AP2A2: variants seen among roughly 807,000 people sequenced by gnomAD.
AP2A2 encodes adaptor related protein complex 2 subunit alpha 2, also known as AP-2 complex subunit alpha-2.
Under a neutral mutation model 104.2 loss-of-function variants are expected in AP2A2, and 32 were observed. The observed-to-expected ratio is 0.31, with a 90% confidence interval of 0.23 to 0.41. AP2A2 has a LOEUF of 0.41. Ranked by LOEUF, AP2A2 falls within the 10% of genes least tolerant of loss-of-function variation. The pLI, the probability that AP2A2 is intolerant of heterozygous loss-of-function variation, is 1.00. For missense variants in AP2A2, 912 were observed against 1,261.0 expected, an observed-to-expected ratio of 0.72 and a Z score of 4.19; for synonymous variants, 539 against 533.3, an observed-to-expected ratio of 1.01 and a Z score of -0.15.
At chr11:994,401 C>G (rs1179434352) in intron 14 of AP2A2, among the ~76,000 whole-genome samples, 156 bp downstream of exon 14, 1 of 152,078 alleles carries the variant, frequency 6.6e-6, no homozygotes, top group Non-Finnish European at 1.5e-5. Flanking sequence ...CTGGGGGCCA[C>G]TGTCCCTGCT....
chr11:990,609 GCT>G (rs1256587216), intron 10 of AP2A2, among the ~76,000 whole-genome samples: 1 of 152,162 alleles, frequency 6.6e-6, no homozygotes, highest in Non-Finnish European at 1.5e-5. Flanking sequence ...TAAGACAGGT[GCT>G]GTGTCTTGGC....
At chr11:937,576 G>A (rs906496381) in intron 1 of AP2A2, among the ~76,000 whole-genome samples, 2 of 152,222 alleles carry the variant, frequency 1.3e-5, no homozygotes, top group African/African-American at 4.8e-5. Context: ...CCATTGCGCA[G>A]CCTGGGCGAC....
chr11:942,434 G>C (rs1227069813), intron 1 of AP2A2: 3 of 152,246 alleles, frequency 2.0e-5, no homozygotes, highest in Non-Finnish European at 2.9e-5. Flanking sequence ...TTAGTCTGTA[G>C]TGCTCTGAAA....
intron 9 of AP2A2, among the ~76,000 whole-genome samples, chr11:987,416 G>A (rs1257429893): frequency 2.6e-5 from 4 of 152,134 alleles, no homozygotes; most frequent in Admixed American, 2.0e-4. Context: ...TTGGGAGGCC[G>A]AGGCGGGTGG....
chr11:950,311 GT>G lies in AP2A2; in HGVS notation c.68-9108del, dbSNP rs367721619. Among the ~76,000 whole-genome samples the G allele has an allele frequency of 6.8e-3, 908 of 133,862 alleles. 1 individual carries two copies. The highest frequency in any genetic ancestry group is 9.3e-3 in the Non-Finnish European group (574 of 61,974). 87.8% of individuals were successfully genotyped at this position (133,862 alleles called of 152,430 possible). On this transcript the variant is annotated intron_variant, in intron 1 of 21. Coordinates refer to ENST00000448903, the MANE Select transcript of AP2A2 (RefSeq NM_012305.4). ...TAAGTTTCTGTGACTTTGGAATATG[GT>G]TTTTTTTTTTTTTTTTTGACAGAGT... is the stretch of plus-strand genomic sequence containing the variant.
At chr11:1,002,957 C>T (rs1373833845) in intron 15 of AP2A2, among the ~76,000 whole-genome samples, 1 of 152,250 alleles carries the variant, frequency 6.6e-6, no homozygotes, top group Non-Finnish European at 1.5e-5. Flanking sequence ...ACATCCATCT[C>T]TGTGCTGGGT....
chr11:951,337 A>C (rs1379324531), intron 1 of AP2A2, among the ~76,000 whole-genome samples: 1 of 151,910 alleles, frequency 6.6e-6, no homozygotes, highest in Non-Finnish European at 1.5e-5. Flanking sequence ...GACCAGCCTG[A>C]CCAATATGGT....
At chr11:1,002,803 G>A (rs566113269) in intron 15 of AP2A2, among the ~76,000 whole-genome samples, 9 of 152,360 alleles carry the variant, frequency 5.9e-5, no homozygotes, top group South Asian at 2.1e-4. Context: ...CTTGATCGCC[G>A]CCATGTCAGC....
At chr11:997,810 C>G (rs1855901919) in intron 14 of AP2A2, among the ~76,000 whole-genome samples, 1 of 152,192 alleles carries the variant, frequency 6.6e-6, no homozygotes, top group Non-Finnish European at 1.5e-5. Flanking sequence ...GAAGCTGAGG[C>G]AGGAGAATTG....
chr11:999,254 G>C (rs550642819), intron 14 of AP2A2, among the ~76,000 whole-genome samples: 70 of 152,298 alleles, frequency 4.6e-4, no homozygotes, highest in African/African-American at 1.6e-3. Context: ...TACTGGGGCC[G>C]GGTGCGGTGG....
intron 6 of AP2A2, among the ~76,000 whole-genome samples, chr11:982,900 C>G (rs1363155265): frequency 6.6e-6 from 1 of 152,000 alleles, no homozygotes; most frequent in Non-Finnish European, 1.5e-5. Context: ...ATCTGCCCAC[C>G]TTGGCCTCCC....
chr11:929,774 C>T (rs1446936400), intron 1 of AP2A2, among the ~76,000 whole-genome samples: 2 of 150,598 alleles, frequency 1.3e-5, no homozygotes, highest in African/African-American at 2.5e-5. Context: ...CCAGCCTGGG[C>T]AGCCTGAGGA....
intron 10 of AP2A2, among the ~76,000 whole-genome samples, chr11:989,850 A>G (rs1261055458): frequency 6.6e-6 from 1 of 152,230 alleles, no homozygotes; most frequent in Non-Finnish European, 1.5e-5. Context: ...GTGACCAGCC[A>G]GGACCACAGC....
intron 6 of AP2A2, among the ~76,000 whole-genome samples, chr11:984,357 C>T (rs1378349506): frequency 6.6e-6 from 1 of 152,114 alleles, no homozygotes; most frequent in Non-Finnish European, 1.5e-5. Context: ...ATTTCATTCA[C>T]GTGCCGGTCC....
chr11:1,009,526 G>A (rs1856335229), intron 20 of AP2A2, 129 bp downstream of exon 20: 19 of 1,309,692 alleles, frequency 1.5e-5, no homozygotes, highest in Non-Finnish European at 2.0e-5. Flanking sequence ...CGGCCCCGGG[G>A]GACACGCAGC....
chr11:995,743 C>T (rs982996328), intron 14 of AP2A2, among the ~76,000 whole-genome samples: 1 of 114,564 alleles, frequency 8.7e-6, no homozygotes, highest in Non-Finnish European at 1.8e-5. Flanking sequence ...TCCCCCTCTT[C>T]CTCCCTCTCC....
intron 1 of AP2A2, among the ~76,000 whole-genome samples, chr11:929,007 C>T (rs1036017208): frequency 2.0e-5 from 3 of 152,096 alleles, no homozygotes; most frequent in Non-Finnish European, 4.4e-5. Context: ...GTCTGGCATG[C>T]GAGGTGCATG....
At chr11:983,794 G>A (rs1253552127) in intron 6 of AP2A2, among the ~76,000 whole-genome samples, 5 of 152,202 alleles carry the variant, frequency 3.3e-5, no homozygotes, top group Non-Finnish European at 2.9e-5. Flanking sequence ...CCTTAGGTGC[G>A]TACTTGTTTG....
At chr11:943,047 G>A (rs200769500) in intron 1 of AP2A2, 6 of 152,204 alleles carry the variant, frequency 3.9e-5, no homozygotes, top group African/African-American at 1.2e-4. Context: ...TTTTATCCTG[G>A]GTGCCTTGTA....
Sources: gnomAD v4.1 joint callset for allele counts (sites outside exome capture counted in the v4.1 genomes callset) on GRCh38, gnomAD v4.1.1 for gene constraint, MANE v1.5 for transcripts, NCBI Gene and HGNC (gene_info 2026-07-23, HGNC 2026-07-21) for gene names.